Variants in PPP1R9B observed in about 807,000 individuals in gnomAD.
PPP1R9B encodes the protein neurabin-2.
PPP1R9B carries 17 observed loss-of-function variants against 75.8 expected under a neutral mutation model. The observed-to-expected ratio is 0.22, with a 90% CI of 0.15 to 0.34. The LOEUF (loss-of-function observed/expected upper bound fraction) is 0.34. Among genes scored for constraint, PPP1R9B ranks in the 10% least tolerant of loss-of-function variants. The probability of loss-of-function intolerance (pLI) is 1.00; values close to 1 mark genes in which losing one functional copy is unlikely to be tolerated. For synonymous variants in PPP1R9B, 509 were observed against 535.4 expected (o/e 0.95, Z 0.68); for missense variants, 875 against 1,196.0 (o/e 0.73, Z 3.96).
chr17:50,148,440 C>T (rs1401240920), intron 1 of PPP1R9B, among the ~76,000 whole-genome samples: 1 of 152,222 alleles, frequency 6.6e-6, no homozygotes, highest in African/African-American at 2.4e-5. Context: ...GAAGGCCTCT[C>T]CCCATCAAGG....
intron 3 of PPP1R9B, among the ~76,000 whole-genome samples, chr17:50,143,247 C>T (rs1912431591): frequency 6.6e-6 from 1 of 152,012 alleles, no homozygotes; most frequent in African/African-American, 2.4e-5. Context: ...ACTCAATGTC[C>T]AGCGAAAAAA....
At chr17:50,143,564 A>C in intron 3 of PPP1R9B, 34 bp downstream of exon 3, 1 of 1,612,402 alleles carries the variant, frequency 6.2e-7, no homozygotes, top group Non-Finnish European at 8.5e-7. Context: ...CGGAGAGGGA[A>C]AAAGGGTCAG....
Position 50,139,434 on chromosome 17 carries a change from T to C in PPP1R9B, c.2014A>G (p.Lys672Glu). 1 of 1,608,484 alleles carries C rather than the reference T, an allele frequency of 6.2e-7. No individual in the cohort carries two copies. The highest frequency in any genetic ancestry group is 1.3e-5 in the African/African-American group (1 of 74,972). The change falls in exon 6 of 10, where the codon AAG becomes GAG. Residue 672 changes from lysine (K) to glutamate (E), a missense_variant. Lys to Glu is a moderately conservative substitution (Grantham distance 56). Coordinates refer to ENST00000612501, the MANE Select transcript of PPP1R9B (RefSeq NM_032595.5). This position sits in a 1 kb window ranked among gnomAD's most constrained non-coding sequence, Gnocchi z 5.0. The part of the protein sequence containing the change: ...MEPEKLVHKF[K>E]ELQIKHAVTE... ...CAGGGAGCCCCTCCTCCCACCTCCT[T>C]GAACTTGTGCACCAGCTTCTCGGGC...
Position 50,149,978 on chromosome 17 carries a change from T to C in PPP1R9B, c.536A>G (p.Gln179Arg). 1 of 1,510,218 alleles carries C rather than the reference T, an allele frequency of 6.6e-7. No homozygotes were observed. The highest frequency in any genetic ancestry group is 8.8e-7 in the Non-Finnish European group (1 of 1,138,248). 93.6% of individuals were successfully genotyped at this position (1,510,218 alleles called of 1,614,324 possible). The change falls in exon 1 of 10, where the codon CAG becomes CGG. Residue 179 changes from glutamine to arginine, a missense_variant. Gln to Arg is a conservative substitution (Grantham distance 43, BLOSUM62 1). Coordinates refer to ENST00000612501, the MANE Select transcript of PPP1R9B (RefSeq NM_032595.5). The surrounding 1 kb of genome is among the most constrained non-coding windows in gnomAD (Gnocchi z 7.2). ...RLLRQERAGLQDRKLDVVVRF... is the reference protein window; with the variant it reads ...RLLRQERAGLRDRKLDVVVRF... ...CACCACGACGTCCAGCTTCCGGTCC[T>C]GCAGGCCGGCGCGCTCCTGCCTCAG...
rs1223706821 is a variant in PPP1R9B at position 50,142,274 on chromosome 17, T to C, written c.1626-901A>G. On this transcript the variant is annotated intron_variant, in intron 3 of 9. Transcript: ENST00000612501. The surrounding 1 kb of genome is among the most constrained non-coding windows in gnomAD (Gnocchi z 4.1). ...ACCTCCCTGGGAGCTCCAGGCCTTC[T>C]CTCAGGACTCCCACACGGAAATGGA... is the stretch of plus-strand genomic sequence containing the variant. Among the ~76,000 whole-genome samples, 1 of 152,116 alleles carries C rather than the reference T, an allele frequency of 6.6e-6. No individual in the cohort carries two copies. The highest frequency in any genetic ancestry group is 1.5e-5 in the Non-Finnish European group (1 of 68,018).
In PPP1R9B at chr17:50,149,012, A is replaced by C; in HGVS notation, c.1371+131T>G. 1 of 597,370 alleles carries C rather than the reference A, an allele frequency of 1.7e-6. No homozygotes were observed. The highest frequency in any genetic ancestry group is 2.7e-6 in the Non-Finnish European group (1 of 375,992). 37.0% of individuals were successfully genotyped at this position (597,370 alleles called of 1,614,324 possible). On this transcript the variant is annotated intron_variant, in intron 1 of 9. Coordinates refer to ENST00000612501, the MANE Select transcript of PPP1R9B (RefSeq NM_032595.5). The surrounding 1 kb of genome is among the most constrained non-coding windows in gnomAD (Gnocchi z 7.2). Reference sequence around the variant, plus strand: ...CCCCCACGCCCCCCTGAGGGTGGGAACTTCTGGGAAGGGGGCTGGGTGGCA... The same window carrying C: ...CCCCCACGCCCCCCTGAGGGTGGGACCTTCTGGGAAGGGGGCTGGGTGGCA...
chr17:50,141,036 A>G (rs911620010), intron 4 of PPP1R9B, among the ~76,000 whole-genome samples: 1 of 152,114 alleles, frequency 6.6e-6, no homozygotes, highest in African/African-American at 2.4e-5. Flanking sequence ...GGGCTGGTGG[A>G]CAGTGGGCCA....
Position 50,135,121 on chromosome 17 carries a change from T to TC in PPP1R9B, c.*209dup. The TC allele has an allele frequency of 1.7e-6, 1 of 590,518 alleles. No homozygotes were observed. Among genetic ancestry groups the TC allele is most frequent in the Non-Finnish European group, 3.0e-6 (1 of 329,856 alleles). 36.6% of individuals were successfully genotyped at this position (590,518 alleles called of 1,614,324 possible). A position where few individuals can be genotyped will look rare whatever the true frequency, so the allele number is the denominator to read the frequency against. On this transcript the variant is annotated 3_prime_UTR_variant, in exon 10 of 10. Coordinates refer to ENST00000612501, the MANE Select transcript of PPP1R9B (RefSeq NM_032595.5). ...CATGGGGCAAGAAAGAGGCTGCCCTTCTAGCCACCTCTGTCTGCCCAGGCC... is the reference window on the plus strand; with the variant it reads ...CATGGGGCAAGAAAGAGGCTGCCCTTCCTAGCCACCTCTGTCTGCCCAGGCC...
At chr17:50,136,836 C>G (rs1006662959) in intron 7 of PPP1R9B, among the ~76,000 whole-genome samples, 15 of 152,330 alleles carry the variant, frequency 9.8e-5, no homozygotes, top group African/African-American at 3.4e-4. Context: ...AGTCCCAGCC[C>G]ACCCTTGCTC....
chr17:50,141,668 A>C (rs1026005841), intron 3 of PPP1R9B, among the ~76,000 whole-genome samples: 14 of 151,724 alleles, frequency 9.2e-5, no homozygotes, highest in Admixed American at 6.6e-4. Flanking sequence ...GCCTCAAAAA[A>C]AAAAAAAAAC....
At position 50,137,209 on chromosome 17, in the gene PPP1R9B, C is replaced by G. The variant is rs191305725; in HGVS notation, c.2074-1012G>C. 4.6e-5 allele frequency: 7 copies of G among 152,620 alleles called. No individual in the cohort carries two copies. The East Asian group carries it at 1.3e-3, about 29-fold the overall frequency. The allele number at this position is 152,620 out of a possible 1,614,324, so 9.5% of individuals were successfully genotyped here. A position where few individuals can be genotyped will look rare whatever the true frequency, so the allele number is the denominator to read the frequency against. ...TCCAAAAAAGCCCCCACAGCTCCCT[C>G]CAACAGCACAGCCCTACTCCCACCT... On this transcript the variant is annotated intron_variant, in intron 7 of 9. Coordinates refer to ENST00000612501, the MANE Select transcript of PPP1R9B (RefSeq NM_032595.5).
chr17:50,136,458 T>C (rs909324529), intron 7 of PPP1R9B, among the ~76,000 whole-genome samples: 1 of 152,180 alleles, frequency 6.6e-6, no homozygotes, highest in Admixed American at 6.5e-5. Flanking sequence ...GGTTAGTCAC[T>C]GATACTCTGA....
chr17:50,150,636 G>T lies in PPP1R9B; in HGVS notation c.-123C>A. On this transcript the variant is annotated 5_prime_UTR_variant, in exon 1 of 10. Transcript: ENST00000612501. This position sits in a 1 kb window ranked among gnomAD's most constrained non-coding sequence, Gnocchi z 8.7. ...AGAAACCCCGAAGGCCTTTTTTAGGGTCCCCCCAAAACCAAGCTGCCAAAA... is the reference window on the plus strand; with the variant it reads ...AGAAACCCCGAAGGCCTTTTTTAGGTTCCCCCCAAAACCAAGCTGCCAAAA... 9.7e-7 allele frequency: 1 copy of T among 1,028,996 alleles called. No homozygotes were observed. Among genetic ancestry groups the T allele is most frequent in the Non-Finnish European group, 1.2e-6 (1 of 803,718 alleles). 63.7% of individuals were successfully genotyped at this position (1,028,996 alleles called of 1,614,324 possible). A position where few individuals can be genotyped will look rare whatever the true frequency, so the allele number is the denominator to read the frequency against.
intron 3 of PPP1R9B, 75 bp from the exon 4 acceptor site, chr17:50,141,448 A>C: frequency 1.1e-6 from 1 of 943,784 alleles, no homozygotes; most frequent in Non-Finnish European, 1.6e-6. Flanking sequence ...CTCCCATCAG[A>C]AACTCCAGGC....
chr17:50,148,128 G>T (rs997481747), intron 1 of PPP1R9B, among the ~76,000 whole-genome samples: 1 of 152,070 alleles, frequency 6.6e-6, no homozygotes, highest in East Asian at 1.9e-4. Context: ...GGGGGGAGGG[G>T]TGGCCTGGGG....
Position 50,149,680 on chromosome 17 carries a change from G to C in PPP1R9B, c.834C>G (p.Pro278=). 6.8e-7 allele frequency: 1 copy of C among 1,471,322 alleles called. No homozygotes were observed. Among genetic ancestry groups the C allele is most frequent in the Non-Finnish European group, 9.0e-7 (1 of 1,116,280 alleles). The allele number at this position is 1,471,322 out of a possible 1,614,324, so 91.1% of individuals were successfully genotyped here. The change falls in exon 1 of 10, where the codon CCC becomes CCG. Residue 278 remains proline, a synonymous_variant. Transcript: ENST00000612501. This position sits in a 1 kb window ranked among gnomAD's most constrained non-coding sequence, Gnocchi z 7.2. The part of the protein sequence containing the change: ...EKERCPAGQQ[P]PQHRVAPARP... ...GGGCAGGGGCCACTCGGTGCTGCGG[G>C]GGCTGCTGCCCTGCGGGGCATCGCT...
intron 2 of PPP1R9B, 49 bp downstream of exon 2, chr17:50,145,064 C>T (rs748894039): frequency 5.6e-6 from 9 of 1,600,462 alleles, no homozygotes; most frequent in East Asian, 2.2e-5. Flanking sequence ...AGATGAGACC[C>T]GGGTCAACCC....
chr17:50,150,060 C>G lies in PPP1R9B; in HGVS notation c.454G>C (p.Glu152Gln). The G allele has an allele frequency of 6.9e-7, 1 of 1,458,260 alleles. No individual in the cohort carries two copies. Among genetic ancestry groups the G allele is most frequent in the East Asian group, 3.0e-5 (1 of 33,364 alleles). 90.3% of individuals were successfully genotyped at this position (1,458,260 alleles called of 1,614,324 possible). The change falls in exon 1 of 10, where the codon GAA (glutamate) becomes CAA (glutamine). Residue 152 changes from glutamate to glutamine, a missense_variant. This residue lies in a region of PPP1R9B where 449 missense variants were observed against 475.0 expected (regional missense o/e 0.95). Transcript: ENST00000612501. The surrounding 1 kb of genome is among the most constrained non-coding windows in gnomAD (Gnocchi z 8.7). The part of the protein sequence containing the change: ...SRLQETRKLF[E>Q]RSAPAAAGGD... ...CCTGCGGCCGCTGGGGCGCTCCGTT[C>G]GAACAGCTTCCGCGTCTCCTGCAGC...
At chr17:50,143,486 C>T (rs992974670) in intron 3 of PPP1R9B, 112 bp downstream of exon 3, 55 of 1,357,088 alleles carry the variant, frequency 4.1e-5, no homozygotes, top group Admixed American at 3.0e-4. Flanking sequence ...ACACACAGCA[C>T]GGAAATCTCC....
Sources: gnomAD v4.1 joint callset for allele counts (sites outside exome capture counted in the v4.1 genomes callset) on GRCh38, gnomAD v4.1.1 for gene constraint, gnomAD v4.1.1 regional missense constraint, Gnocchi (gnomAD v3.1) non-coding constraint, MANE v1.5 for transcripts, NCBI Gene and HGNC (gene_info 2026-07-23, HGNC 2026-07-21) for gene names.